ZNF148: variants seen among roughly 807,000 people sequenced by gnomAD.
The protein encoded by ZNF148 is Beta-Enolase Repressor Factor-1.
ZNF148 carries 7 observed loss-of-function variants against 67.7 expected under a neutral mutation model. The ratio of observed to expected loss-of-function variants is 0.10; its 90% CI spans 0.06 to 0.19. The LOEUF (loss-of-function observed/expected upper bound fraction) is 0.19, where lower values mean the gene tolerates loss of function less well. ZNF148 is among the 10% of genes least tolerant of loss of function. The pLI is 1.00. For synonymous variants in ZNF148, 333 were observed against 330.7 expected, an observed-to-expected ratio of 1.01 and a Z score of -0.08; for missense variants, 583 against 947.1, an observed-to-expected ratio of 0.62 and a Z score of 5.05.
At chr3:125,263,288 C>A (rs1037423618) in intron 7 of ZNF148, among the ~76,000 whole-genome samples, 30 of 152,200 alleles carry the variant, frequency 2.0e-4, no homozygotes, top group African/African-American at 7.2e-4. Context: ...CGGTGGCCCA[C>A]GCCTGTAATC....
At chr3:125,286,780 T>C (rs1364474698) in intron 5 of ZNF148, among the ~76,000 whole-genome samples, 1 of 152,176 alleles carries the variant, frequency 6.6e-6, no homozygotes, top group Non-Finnish European at 1.5e-5. Context: ...TATACCTCCA[T>C]ATCTATCTGC....
chr3:125,283,068 C>T (rs1044503827), intron 5 of ZNF148, among the ~76,000 whole-genome samples: 8 of 152,106 alleles, frequency 5.3e-5, no homozygotes, highest in Admixed American at 3.3e-4. Context: ...TATTATGAGA[C>T]GTTCTACTGC....
At chr3:125,303,795 C>G (rs543504897) in intron 4 of ZNF148, among the ~76,000 whole-genome samples, 1 of 152,138 alleles carries the variant, frequency 6.6e-6, no homozygotes, top group South Asian at 2.1e-4. Context: ...CACCCCCACC[C>G]CATTCGTGGA....
intron 2 of ZNF148, among the ~76,000 whole-genome samples, chr3:125,326,744 A>AAG (rs1242978894): frequency 1.5e-5 from 2 of 134,106 alleles, no homozygotes; most frequent in Non-Finnish European, 3.5e-5. Context: ...ACATATTTAT[A>AAG]TGTATATATA....
At chr3:125,294,925 T>C (rs1361985780) in intron 4 of ZNF148, among the ~76,000 whole-genome samples, 1 of 152,118 alleles carries the variant, frequency 6.6e-6, no homozygotes, top group African/African-American at 2.4e-5. Context: ...TTCAGGGAGG[T>C]AAGTGTCTTA....
intron 1 of ZNF148, among the ~76,000 whole-genome samples, chr3:125,342,084 G>T: frequency 6.8e-6 from 1 of 147,486 alleles, no homozygotes; most frequent in Non-Finnish European, 1.5e-5. Context: ...AACAAGAGAA[G>T]AAAATAAATT....
intron 2 of ZNF148, among the ~76,000 whole-genome samples, chr3:125,326,072 G>A (rs957715061): frequency 6.6e-6 from 1 of 151,978 alleles, no homozygotes; most frequent in African/African-American, 2.4e-5. Context: ...CTTCAAAAAT[G>A]AAAAAATATT....
At chr3:125,279,609 C>T (rs1271782993) in intron 5 of ZNF148, among the ~76,000 whole-genome samples, 1 of 152,028 alleles carries the variant, frequency 6.6e-6, no homozygotes, top group African/African-American at 2.4e-5. Flanking sequence ...AGCCTTTAGA[C>T]ATGATCTAAT....
At chr3:125,245,221 C>T (rs1460003195) in intron 7 of ZNF148, among the ~76,000 whole-genome samples, 1 of 152,086 alleles carries the variant, frequency 6.6e-6, no homozygotes, top group East Asian at 1.9e-4. Context: ...AATTGTAATC[C>T]CCATAATCCC....
Position 125,319,694 on chromosome 3 carries a change from T to G in ZNF148, c.-17+3615A>C, listed in dbSNP as rs150716263. On this transcript the variant is annotated intron_variant, in intron 3 of 8. Coordinates refer to ENST00000360647, the MANE Select transcript of ZNF148 (RefSeq NM_021964.3). ...CTGTGCTGGGCACCTTTAAATATAT[T>G]ACCTTACTTAATATTTACAATAACC... Among the ~76,000 whole-genome samples, 91 of 152,294 alleles carry G rather than the reference T, an allele frequency of 6.0e-4. No individual in the cohort carries two copies. The East Asian group carries it at 0.017, about 28-fold the overall frequency.
At chr3:125,357,148 G>T (rs1942372931) in intron 1 of ZNF148, 1 of 152,260 alleles carries the variant, frequency 6.6e-6, no homozygotes, top group Non-Finnish European at 1.5e-5. Context: ...CCATCCCGTT[G>T]AGGGAAGGGG....
chr3:125,325,280 T>C (rs535486637), intron 2 of ZNF148, among the ~76,000 whole-genome samples: 70 of 152,176 alleles, frequency 4.6e-4, no homozygotes, highest in Non-Finnish European at 7.5e-4. Context: ...ATCAGTGACC[T>C]TTAAGATACA....
At chr3:125,297,717 C>T (rs934685704) in intron 4 of ZNF148, among the ~76,000 whole-genome samples, 2 of 145,626 alleles carry the variant, frequency 1.4e-5, no homozygotes, top group African/African-American at 5.6e-5. Flanking sequence ...TATCATACCA[C>T]CAAAACAGCT....
intron 1 of ZNF148, among the ~76,000 whole-genome samples, chr3:125,334,525 A>T (rs1029930511): frequency 1.3e-5 from 2 of 152,226 alleles, no homozygotes; most frequent in African/African-American, 4.8e-5. Context: ...TTCCACATGT[A>T]AGAATATATG....
At chr3:125,313,095 ATTG>A (rs1466690072) in intron 4 of ZNF148, among the ~76,000 whole-genome samples, 1 of 152,194 alleles carries the variant, frequency 6.6e-6, no homozygotes, top group African/African-American at 2.4e-5. Context: ...CCTGAGAAAT[ATTG>A]TTATCCTGAA....
In ZNF148 at chr3:125,225,712, A is replaced by G. The variant is rs1935607216; in HGVS notation, c.*6629T>C. The G allele has an allele frequency of 6.6e-6, 1 of 152,206 alleles. No homozygotes were observed. The highest frequency in any genetic ancestry group is 2.1e-4 in the South Asian group (1 of 4,828). The allele number at this position is 152,206 out of a possible 1,614,324, so 9.4% of individuals were successfully genotyped here. ...TTTATTTTTTCTTATAATCTTTAGA[A>G]GATTGGAGAAGTATCATGTAGAATA... On this transcript the variant is annotated 3_prime_UTR_variant, in exon 9 of 9. Coordinates refer to ENST00000360647, the MANE Select transcript of ZNF148 (RefSeq NM_021964.3).
intron 7 of ZNF148, among the ~76,000 whole-genome samples, chr3:125,244,046 T>A (rs1936485801): frequency 6.6e-6 from 1 of 152,116 alleles, no homozygotes; most frequent in South Asian, 2.1e-4. Context: ...TATCAAGAAA[T>A]TTTAAATGTT....
At chr3:125,268,378 C>A (rs955106189) in intron 7 of ZNF148, among the ~76,000 whole-genome samples, 7 of 151,414 alleles carry the variant, frequency 4.6e-5, no homozygotes, top group Non-Finnish European at 1.0e-4. Flanking sequence ...ACCAATGGAA[C>A]AGAATAGAGA....
At chr3:125,280,324 A>C in intron 5 of ZNF148, among the ~76,000 whole-genome samples, 1 of 152,136 alleles carries the variant, frequency 6.6e-6, no homozygotes, top group East Asian at 1.9e-4. Flanking sequence ...ATGGTACCAC[A>C]GAGAAACTCA....
Sources: allele counts gnomAD v4.1 joint callset (sites outside exome capture counted in the v4.1 genomes callset), GRCh38; gene constraint gnomAD v4.1.1; transcripts MANE v1.5; gene names NCBI Gene and HGNC (gene_info 2026-07-23, HGNC 2026-07-21).